ZNF565: variants seen among roughly 807,000 people sequenced by gnomAD.
ZNF565 encodes zinc finger protein 565.
ZNF565 carries 27 observed loss-of-function variants against 39.4 expected under a neutral mutation model. The observed-to-expected ratio is 0.69, with a 90% CI of 0.51 to 0.95. ZNF565 has a LOEUF of 0.95. Ranked by LOEUF, ZNF565 falls within the 40% of genes least tolerant of loss-of-function variation. ZNF565 has a pLI of 0.00. For synonymous variants in ZNF565, 185 were observed against 216.6 expected (o/e 0.85, Z 1.28); for missense variants, 524 against 621.1 (o/e 0.84, Z 1.66).
At chr19:36,238,200 G>T (rs952957684) in intron 1 of ZNF565, 5 of 167,060 alleles carry the variant, frequency 3.0e-5, no homozygotes, top group African/African-American at 1.2e-4. Flanking sequence ...GAATTGTTGA[G>T]GGGGGATCAA....
intron 1 of ZNF565, among the ~76,000 whole-genome samples, chr19:36,243,488 T>C (rs1369623343): frequency 1.3e-5 from 2 of 152,128 alleles, no homozygotes; most frequent in Non-Finnish European, 2.9e-5. Flanking sequence ...ATACAAGTAA[T>C]AGCAGGCAGA....
chr19:36,223,136 G>T (rs1976924338), intron 1 of ZNF565, among the ~76,000 whole-genome samples: 1 of 151,720 alleles, frequency 6.6e-6, no homozygotes, highest in African/African-American at 2.4e-5. Flanking sequence ...AAAACTTTTG[G>T]CTGGGCGCGA....
At chr19:36,230,598 C>T (rs537916795) in intron 1 of ZNF565, among the ~76,000 whole-genome samples, 2 of 151,986 alleles carry the variant, frequency 1.3e-5, no homozygotes, top group African/African-American at 4.8e-5. Flanking sequence ...AGATCATTAG[C>T]CAGAAGGAAC....
chr19:36,226,893 G>C lies in ZNF565; in HGVS notation c.55+18583C>G, dbSNP rs183672063. On this transcript the variant is annotated intron_variant, in intron 1 of 4. Transcript: ENST00000355114. ...CTGTGGTCGGGAGTTTGGGAGTTCA[G>C]CCTAACACAGAGAAACTCCGTCTCT... is the stretch of plus-strand genomic sequence containing the variant. Among the ~76,000 whole-genome samples the C allele has an allele frequency of 7.2e-5, 11 of 151,828 alleles. No individual in the cohort carries two copies. The East Asian group carries it at 2.1e-3, about 29-fold the overall frequency.
intron 1 of ZNF565, among the ~76,000 whole-genome samples, chr19:36,234,692 C>G (rs143958642): frequency 1.3e-5 from 2 of 152,166 alleles, no homozygotes; most frequent in Admixed American, 6.5e-5. Context: ...CCACTGCGCC[C>G]GGCCAGCCAG....
Position 36,183,636 on chromosome 19 carries a change from C to T in ZNF565, c.330G>A (p.Leu110=), listed in dbSNP as rs372902211. 1 of 1,614,184 alleles carries T rather than the reference C, an allele frequency of 6.2e-7. No homozygotes were observed. The highest frequency in any genetic ancestry group is 8.5e-7 in the Non-Finnish European group (1 of 1,180,040). The change falls in exon 5 of 5, where the codon CTG becomes CTA. Residue 110 remains leucine, a synonymous_variant. Coordinates refer to ENST00000304116, the MANE Select transcript of ZNF565 (RefSeq NM_152477.5). ...AGTCAGCTCTAAAATCGGAGCCCTC[C>T]AGGTCACTGCATTTAAGGCTTTCCA... ...EIMESLKCSD[L]EGSDFRADWE... is the part of the protein sequence containing the mutation.
intron 1 of ZNF565, among the ~76,000 whole-genome samples, chr19:36,208,599 C>A (rs1976241571): frequency 6.6e-6 from 1 of 152,086 alleles, no homozygotes; most frequent in African/African-American, 2.4e-5. Context: ...CTCTACACCA[C>A]CTAGTAAAAC....
At chr19:36,182,167 C>T (rs1298376705), downstream of ZNF565, 4 of 275,154 alleles carry the variant, frequency 1.5e-5, no homozygotes, top group Non-Finnish European at 2.7e-5. Flanking sequence ...ATCTTTTAAT[C>T]GGGTCATTTT....
At chr19:36,207,281 C>G (rs183670828) in intron 1 of ZNF565, among the ~76,000 whole-genome samples, 1 of 152,244 alleles carries the variant, frequency 6.6e-6, no homozygotes, top group South Asian at 2.1e-4. Context: ...CAGTGGCTCA[C>G]GCCTGTAATC....
intron 2 of ZNF565, among the ~76,000 whole-genome samples, chr19:36,198,167 C>T (rs1051663473): frequency 6.6e-6 from 1 of 151,802 alleles, no homozygotes. Flanking sequence ...ATCAGTATAT[C>T]GAAGAGATAT....
intron 1 of ZNF565, among the ~76,000 whole-genome samples, chr19:36,243,879 T>G (rs2145481209): frequency 6.6e-6 from 1 of 152,146 alleles, no homozygotes; most frequent in South Asian, 2.1e-4. Context: ...TTTTTAAAAT[T>G]TTGTAGAGAC....
At chr19:36,211,089 G>T (rs1434008302) in intron 1 of ZNF565, among the ~76,000 whole-genome samples, 4 of 151,486 alleles carry the variant, frequency 2.6e-5, no homozygotes, top group African/African-American at 7.3e-5. Flanking sequence ...TATACTTATA[G>T]AAATAATTTA....
At chr19:36,195,926 G>A (rs1287005017) in intron 2 of ZNF565, among the ~76,000 whole-genome samples, 1 of 139,934 alleles carries the variant, frequency 7.1e-6, no homozygotes, top group Non-Finnish European at 1.5e-5. Flanking sequence ...ATATCTTAAT[G>A]AGAAGATGAA....
At chr19:36,244,932 G>A (rs545009986) in intron 1 of ZNF565, among the ~76,000 whole-genome samples, 1 of 151,726 alleles carries the variant, frequency 6.6e-6, no homozygotes, top group Non-Finnish European at 1.5e-5. Flanking sequence ...GTTGGTACTC[G>A]ATAGGCTTGT....
chr19:36,205,812 G>A (rs1050316313), intron 1 of ZNF565, among the ~76,000 whole-genome samples: 1 of 152,092 alleles, frequency 6.6e-6, no homozygotes, highest in Non-Finnish European at 1.5e-5. Flanking sequence ...TAAATCAACA[G>A]GCTCTGGCAT....
chr19:36,188,137 A>C (rs1234094198), intron 4 of ZNF565, among the ~76,000 whole-genome samples: 1 of 151,320 alleles, frequency 6.6e-6, no homozygotes, highest in East Asian at 2.0e-4. Context: ...CAGATGGATC[A>C]TGAGGTCAGG....
At chr19:36,212,481 G>A (rs1441508120) in intron 1 of ZNF565, among the ~76,000 whole-genome samples, 1 of 151,984 alleles carries the variant, frequency 6.6e-6, no homozygotes, top group Non-Finnish European at 1.5e-5. Context: ...AATCAGCTGG[G>A]CACGATGGCA....
Position 36,183,594 on chromosome 19 carries a change from C to A in ZNF565, c.372G>T (p.Gln124His), listed in dbSNP as rs1474337624. The A allele has an allele frequency of 1.9e-6, 3 of 1,614,202 alleles. No homozygotes were observed. The highest frequency in any genetic ancestry group is 1.7e-5 in the Admixed American group (1 of 59,986). Residue 124 changes from glutamine (Q) to histidine (H), a missense_variant, in exon 5 of 5, where the codon CAG becomes CAT. Transcript: ENST00000304116. ...DFRADWECEG[Q>H]FERQVNEECY... ...ACTCTTCATTGACTTGTCTCTCAAA[C>A]TGGCCTTCGCATTCCCAGTCAGCTC...
At chr19:36,220,808 A>C (rs1213261533) in intron 1 of ZNF565, among the ~76,000 whole-genome samples, 1 of 152,154 alleles carries the variant, frequency 6.6e-6, no homozygotes, top group East Asian at 1.9e-4. Context: ...TCATGTTAAA[A>C]AATTCTTTCT....
Sources: gnomAD v4.1 joint callset for allele counts (sites outside exome capture counted in the v4.1 genomes callset) on GRCh38, gnomAD v4.1.1 for gene constraint, MANE v1.5 for transcripts, NCBI Gene and HGNC (gene_info 2026-07-23, HGNC 2026-07-21) for gene names.